Variants in DDR2 observed in about 807,000 individuals in gnomAD.
The protein encoded by DDR2 is discoidin domain-containing receptor 2.
In DDR2, 27 loss-of-function variants were observed where a neutral mutation model predicts 94.9. The observed-to-expected ratio is 0.28, with a 90% confidence interval of 0.21 to 0.39. DDR2 has a LOEUF of 0.39. Among genes scored for constraint, DDR2 ranks in the 10% least tolerant of loss-of-function variants. The probability of loss-of-function intolerance (pLI) is 1.00; values close to 1 mark genes in which losing one functional copy is unlikely to be tolerated. For missense variants in DDR2, 783 were observed against 1,076.0 expected (o/e 0.73, Z 3.81); for synonymous variants, 382 against 377.2 (o/e 1.01, Z -0.15).
intron 3 of DDR2, among the ~76,000 whole-genome samples, chr1:162,747,461 A>G (rs1237702476): frequency 6.6e-6 from 1 of 151,646 alleles, no homozygotes; most frequent in African/African-American, 2.4e-5. Context: ...AAAAGAGTAA[A>G]AAAAAATGAA....
At chr1:162,711,972 G>A (rs961646138) in intron 2 of DDR2, among the ~76,000 whole-genome samples, 2 of 152,000 alleles carry the variant, frequency 1.3e-5, no homozygotes, top group African/African-American at 4.8e-5. Context: ...CTTGCTCTGA[G>A]ATCACCAGGG....
intron 2 of DDR2, among the ~76,000 whole-genome samples, chr1:162,701,707 C>A (rs1384267240): frequency 6.6e-6 from 1 of 152,162 alleles, no homozygotes; most frequent in Non-Finnish European, 1.5e-5. Context: ...TAGTGGGGAG[C>A]TCATAACCTC....
In DDR2 at chr1:162,781,086, CTCT is replaced by C. The variant is rs1647880679; in HGVS notation, c.*845_*847del. On this transcript the variant is annotated 3_prime_UTR_variant, in exon 18 of 18. Coordinates refer to ENST00000367921, the MANE Select transcript of DDR2 (RefSeq NM_006182.4). Reference sequence around the variant, plus strand: ...TTATTTGTGATTTTGTAAGAGGGTTCTCTTCTTTGTCTTGTTCAGATATTTTCA... The same window carrying C: ...TTATTTGTGATTTTGTAAGAGGGTTCTCTTTGTCTTGTTCAGATATTTTCA... 6.6e-6 allele frequency: 1 copy of C among 152,128 alleles called. No individual in the cohort carries two copies. The highest frequency in any genetic ancestry group is 2.1e-4 in the South Asian group (1 of 4,828). 9.4% of individuals were successfully genotyped at this position (152,128 alleles called of 1,614,324 possible).
At chr1:162,683,069 C>T (rs1316027096) in intron 2 of DDR2, among the ~76,000 whole-genome samples, 1 of 151,946 alleles carries the variant, frequency 6.6e-6, no homozygotes, top group Non-Finnish European at 1.5e-5. Flanking sequence ...TCTAAGTATG[C>T]AAGACTGGTT....
At chr1:162,751,830 A>C (rs1240428532) in intron 3 of DDR2, among the ~76,000 whole-genome samples, 1 of 152,256 alleles carries the variant, frequency 6.6e-6, no homozygotes, top group Non-Finnish European at 1.5e-5. Context: ...AAAAAGGATG[A>C]GTTCTTGTCC....
chr1:162,650,519 C>A (rs1244491033), intron 1 of DDR2, among the ~76,000 whole-genome samples: 1 of 152,090 alleles, frequency 6.6e-6, no homozygotes, highest in African/African-American at 2.4e-5. Context: ...TCGCTTGAAC[C>A]TGGGAGGCAG....
Position 162,738,661 on chromosome 1 carries a change from G to A in DDR2, c.83-14434G>A, listed in dbSNP as rs1227665546. Among the ~76,000 whole-genome samples the A allele has an allele frequency of 2.6e-4, 7 of 27,282 alleles. 1 individual carries two copies. Among genetic ancestry groups the A allele is most frequent in the Admixed American group, 8.7e-4 (3 of 3,462 alleles). 17.9% of individuals were successfully genotyped at this position (27,282 alleles called of 152,430 possible). On this transcript the variant is annotated intron_variant, in intron 3 of 17. Coordinates refer to ENST00000367921, the MANE Select transcript of DDR2 (RefSeq NM_006182.4). ...GCCCGCATCGCCAAGTCAATCCTAA[G>A]TCAAAAGAACAAAGCTGGAGGCATC...
Position 162,741,771 on chromosome 1 carries a change from G to A in DDR2, c.83-11324G>A, listed in dbSNP as rs752405487. ...TTGGGTCCTAAATGCCAATGTGAGC[G>A]TTCTGATAAACTGACCTGGGCATGT... is the stretch of plus-strand genomic sequence containing the variant. On this transcript the variant is annotated intron_variant, in intron 3 of 17. Transcript: ENST00000367921. 1.2e-4 allele frequency: 121 copies of A among 985,202 alleles called. 1 individual carries two copies. Among genetic ancestry groups the A allele is most frequent in the East Asian group, 9.1e-4 (8 of 8,808 alleles). 61.0% of individuals were successfully genotyped at this position (985,202 alleles called of 1,614,324 possible).
intron 1 of DDR2, among the ~76,000 whole-genome samples, chr1:162,637,861 C>T (rs1471742874): frequency 6.6e-6 from 1 of 152,084 alleles, no homozygotes; most frequent in Non-Finnish European, 1.5e-5. Context: ...ACTTAGGAAA[C>T]AACAGACACA....
At chr1:162,635,305 G>A (rs1204554282) in intron 1 of DDR2, among the ~76,000 whole-genome samples, 1 of 108,284 alleles carries the variant, frequency 9.2e-6, no homozygotes, top group Admixed American at 8.9e-5. Context: ...GAAAAAATTG[G>A]AGCGGCCACC....
chr1:162,774,604 T>G (rs1647422091), intron 14 of DDR2, among the ~76,000 whole-genome samples: 1 of 152,172 alleles, frequency 6.6e-6, no homozygotes, highest in South Asian at 2.1e-4. Context: ...GACGAAGTAT[T>G]TCTTATATTA....
intron 3 of DDR2, chr1:162,741,787 C>T: frequency 3.0e-6 from 3 of 983,644 alleles, no homozygotes; most frequent in Non-Finnish European, 3.6e-6. Context: ...ATAAACTGAC[C>T]TGGGCATGTA....
At position 162,772,673 on chromosome 1, in the gene DDR2, C is replaced by T. The variant is rs542313001; in HGVS notation, c.1728+426C>T. Among the ~76,000 whole-genome samples the T allele has an allele frequency of 7.2e-5, 11 of 152,238 alleles. No individual in the cohort carries two copies. The South Asian group carries it at 1.7e-3, about 23-fold the overall frequency. On this transcript the variant is annotated intron_variant, in intron 13 of 17. Coordinates refer to ENST00000367921, the MANE Select transcript of DDR2 (RefSeq NM_006182.4). ...AAAATGGTCAAAAACAACCTCGCCCCTGCCTTTGGTCCCAGAATCAGCCAC... is the reference window on the plus strand; with the variant it reads ...AAAATGGTCAAAAACAACCTCGCCCTTGCCTTTGGTCCCAGAATCAGCCAC...
At chr1:162,773,667 T>C in intron 14 of DDR2, 71 bp downstream of exon 14, 2 of 1,600,968 alleles carry the variant, frequency 1.2e-6, no homozygotes, top group Non-Finnish European at 1.7e-6. Flanking sequence ...CCTGGATACT[T>C]CTGAGCAATT....
At chr1:162,716,158 G>A (rs186032056) in intron 2 of DDR2, among the ~76,000 whole-genome samples, 13 of 152,288 alleles carry the variant, frequency 8.5e-5, no homozygotes, top group African/African-American at 2.9e-4. Context: ...AGGAAAGAAA[G>A]GAAATGATGT....
Position 162,686,210 on chromosome 1 carries a change from T to TA in DDR2, c.-28+30839dup, listed in dbSNP as rs1386685516. Reference sequence around the variant, plus strand: ...CCAGCTAATTTTTGTATTTTTTTTTTAAATTTTATTTTAAGTTCTGGGATA... The same window carrying TA: ...CCAGCTAATTTTTGTATTTTTTTTTTAAAATTTTATTTTAAGTTCTGGGATA... On this transcript the variant is annotated intron_variant, in intron 2 of 17. Transcript: ENST00000367921. 1.2e-4 allele frequency among the ~76,000 whole-genome samples: 18 copies of TA among 152,050 alleles called. No homozygotes were observed. The South Asian group carries it at 2.7e-3, about 23-fold the overall frequency.
At chr1:162,741,278 A>G (rs28711380) in intron 3 of DDR2, among the ~76,000 whole-genome samples, 47,935 of 125,136 alleles carry the variant, frequency 0.38, 9,249 homozygotes, top group East Asian at 0.54. Flanking sequence ...ATAATATAAT[A>G]TAATATAATA....
Position 162,770,399 on chromosome 1 carries a change from A to T in DDR2, c.1391A>T (p.Glu464Val). 6.2e-7 allele frequency: 1 copy of T among 1,614,112 alleles called. No individual in the cohort carries two copies. The highest frequency in any genetic ancestry group is 8.5e-7 in the Non-Finnish European group (1 of 1,180,016). Residue 464 changes from glutamate (E) to valine (V), a missense_variant, in exon 12 of 18, where the codon GAA (glutamate) becomes GTA (valine). By Grantham distance (121) the Glu-to-Val change is moderately radical. Transcript: ENST00000367921. ...AATAACCGCTCCTCATCACCTAGTGAACAAGGGTCCAACTCGACTTACGAT... is the reference window on the plus strand; with the variant it reads ...AATAACCGCTCCTCATCACCTAGTGTACAAGGGTCCAACTCGACTTACGAT... ...FNNNRSSSPSEQGSNSTYDRI... is the reference protein window; with the variant it reads ...FNNNRSSSPSVQGSNSTYDRI...
At chr1:162,665,924 T>C (rs1658528498) in intron 2 of DDR2, among the ~76,000 whole-genome samples, 1 of 152,212 alleles carries the variant, frequency 6.6e-6, no homozygotes, top group Non-Finnish European at 1.5e-5. Context: ...TATAAATTGG[T>C]TTAAACTTCA....
Sources: allele counts gnomAD v4.1 joint callset (sites outside exome capture counted in the v4.1 genomes callset), GRCh38; gene constraint gnomAD v4.1.1; transcripts MANE v1.5; gene names NCBI Gene and HGNC (gene_info 2026-07-23, HGNC 2026-07-21).